The following NDUFS8 variants were observed in gnomAD, a reference collection of about 807,000 sequenced individuals.
NDUFS8 encodes the protein NADH:ubiquinone oxidoreductase core subunit S8, also known as NADH dehydrogenase [ubiquinone] iron-sulfur protein 8, mitochondrial.
A neutral mutation model predicts 25.6 loss-of-function variants in NDUFS8; 13 were observed. The ratio of observed to expected loss-of-function variants is 0.51; its 90% CI spans 0.33 to 0.81. The LOEUF (loss-of-function observed/expected upper bound fraction) is 0.81. NDUFS8 is among the 30% of genes least tolerant of loss of function. The pLI is 0.02. For missense variants in NDUFS8, 257 were observed against 300.9 expected (o/e 0.85, Z 1.08); for synonymous variants, 119 against 119.4 (o/e 1.00, Z 0.02).
intron 1 of NDUFS8, 73 bp from the exon 2 acceptor site, chr11:68,032,079 C>T: frequency 6.2e-7 from 1 of 1,602,720 alleles, no homozygotes; most frequent in South Asian, 1.1e-5. Context: ...GACTTGGGAT[C>T]CTTGCGGTGC....
At chr11:68,033,533 G>T (rs1590789930) in intron 5 of NDUFS8, 3 of 594,742 alleles carry the variant, frequency 5.0e-6, no homozygotes, top group African/African-American at 1.8e-5. Context: ...CCCCCTTGGG[G>T]TCTGGCCAAG....
chr11:68,031,573 C>G (rs1474256532), intron 1 of NDUFS8: 1 of 184,978 alleles, frequency 5.4e-6, no homozygotes, highest in East Asian at 1.4e-4. Flanking sequence ...GTCTCAAACT[C>G]CTGACCTCAG....
chr11:68,031,748 C>T (rs770555663), intron 1 of NDUFS8: 15 of 349,938 alleles, frequency 4.3e-5, no homozygotes, highest in East Asian at 7.3e-5. Flanking sequence ...CCCCTGGGCA[C>T]GGTTCCTGGG....
rs769533077 is a variant in NDUFS8 at position 68,036,622 on chromosome 11, C to T, written c.*29C>T. 6.2e-7 allele frequency: 1 copy of T among 1,612,312 alleles called. No homozygotes were observed. Among genetic ancestry groups the T allele is most frequent in the Admixed American group, 1.7e-5 (1 of 60,000 alleles). ...CCCACCGGCCCGCAGCCCCTGCTGC[C>T]CAATAAAACCACTCCGACCCCACGG... is the stretch of plus-strand genomic sequence containing the variant. On this transcript the variant is annotated 3_prime_UTR_variant, in exon 7 of 7. Transcript: ENST00000313468.
chr11:68,031,831 G>C, intron 1 of NDUFS8: 1 of 467,194 alleles, frequency 2.1e-6, no homozygotes, highest in South Asian at 2.1e-5. Context: ...GGTTAGATTT[G>C]GGGAGGATGA....
At chr11:68,032,716 C>T in intron 3 of NDUFS8, 1 of 786,490 alleles carries the variant, frequency 1.3e-6, no homozygotes. Context: ...GCCACCCAAG[C>T]ACAGGGAGAG....
intron 5 of NDUFS8, chr11:68,035,356 G>A (rs907060920): frequency 6.4e-6 from 1 of 155,650 alleles, no homozygotes; most frequent in African/African-American, 2.4e-5. Flanking sequence ...CTTGAGCCTG[G>A]GAGGTTGAGG....
chr11:68,031,083 TG>T, intron 1 of NDUFS8: 2 of 289,764 alleles, frequency 6.9e-6, no homozygotes, highest in Non-Finnish European at 1.4e-5. Context: ...TGCCGGGCTC[TG>T]GGGTGCCCTT....
intron 3 of NDUFS8, 74 bp downstream of exon 3, chr11:68,032,410 TC>T: frequency 6.2e-7 from 1 of 1,610,862 alleles, no homozygotes; most frequent in East Asian, 2.2e-5. Flanking sequence ...AGACCTGAGT[TC>T]CAGTCCTGGC....
rs750079497 is a variant in NDUFS8 at position 68,036,268 on chromosome 11, G to A, written c.388G>A (p.Ala130Thr). Residue 130 changes from alanine to threonine, a missense_variant, in exon 6 of 7, where the codon GCT (alanine) becomes ACT (threonine). By Grantham distance (58) the Ala-to-Thr change is moderately conservative. Coordinates refer to ENST00000313468, the MANE Select transcript of NDUFS8 (RefSeq NM_002496.4). Reference sequence around the variant, plus strand: ...CCTCCCGCAGGCCATCACCATCGAGGCTGAGCCAAGAGCTGATGGCAGCCG... The same window carrying A: ...CCTCCCGCAGGCCATCACCATCGAGACTGAGCCAAGAGCTGATGGCAGCCG... ...ICPAQAITIE[A>T]EPRADGSRRT... The A allele has an allele frequency of 1.2e-6, 2 of 1,612,866 alleles. No homozygotes were observed. Among genetic ancestry groups the A allele is most frequent in the East Asian group, 2.2e-5 (1 of 44,870 alleles).
Position 68,036,106 on chromosome 11 carries a change from A to AGGGC in NDUFS8, c.373-144_373-141dup, listed in dbSNP as rs1299035034. On this transcript the variant is annotated intron_variant, in intron 5 of 6. Transcript: ENST00000313468. ...AGACAGGCGCGAGCACCAGAGGTGC[A>AGGGC]GGGCGGCCTCTTAGCCGGAGTCCAG... 3 of 1,271,476 alleles carry AGGGC rather than the reference A, an allele frequency of 2.4e-6. No individual in the cohort carries two copies. In the East Asian group the frequency reaches 7.9e-5, roughly 33 times the overall value. The allele number at this position is 1,271,476 out of a possible 1,614,324, so 78.8% of individuals were successfully genotyped here.
At chr11:68,030,896 T>TCAAGGCGCCGGCC (rs58491259) in intron 1 of NDUFS8, 163 bp downstream of exon 1, 2 of 440,602 alleles carry the variant, frequency 4.5e-6, no homozygotes, top group African/African-American at 4.1e-5. Context: ...GGGAGCCGGC[T>TCAAGGCGCCGGCC]CTCAGGGCGC....
At position 68,032,721 on chromosome 11, in the gene NDUFS8, G is replaced by A. The variant is rs1400533158; in HGVS notation, c.110-202G>A. Reference sequence around the variant, plus strand: ...GGCTCCAATGGCCACCCAAGCACAGGGAGAGGTAGGCACGGACGGGCTCAG... The same window carrying A: ...GGCTCCAATGGCCACCCAAGCACAGAGAGAGGTAGGCACGGACGGGCTCAG... On this transcript the variant is annotated intron_variant, in intron 3 of 6. Coordinates refer to ENST00000313468, the MANE Select transcript of NDUFS8 (RefSeq NM_002496.4). 9 of 780,538 alleles carry A rather than the reference G, an allele frequency of 1.2e-5. No homozygotes were observed. The African/African-American group carries it at 1.4e-4, about 12-fold the overall frequency. 48.4% of individuals were successfully genotyped at this position (780,538 alleles called of 1,614,324 possible). A position where few individuals can be genotyped will look rare whatever the true frequency, so the allele number is the denominator to read the frequency against.
rs755501062 is a variant in NDUFS8, at chr11:68,033,289, C to G, written c.372+6C>G. 3.7e-6 allele frequency: 6 copies of G among 1,600,648 alleles called. No homozygotes were observed. The highest frequency in any genetic ancestry group is 5.1e-6 in the Non-Finnish European group (6 of 1,177,276). On this transcript the variant is annotated splice_donor_region_variant and intron_variant, in intron 5 of 6. Coordinates refer to ENST00000313468, the MANE Select transcript of NDUFS8 (RefSeq NM_002496.4). ...AGGCCATCTGCCCCGCCCAGGTGAG[C>G]CCCTGCCCCAACCGGCCACCACGCC...
rs776419268 is a variant in NDUFS8, at chr11:68,036,551, C to G, written c.591C>G (p.Ala197=). Reference sequence around the variant, plus strand: ...TCAACAACGGGGACAAGTGGGAGGCCGAGATCGCCGCCAACATCCAGGCTG... The same window carrying G: ...TCAACAACGGGGACAAGTGGGAGGCGGAGATCGCCGCCAACATCCAGGCTG... The part of the protein sequence containing the change: ...KLLNNGDKWE[A]EIAANIQADY... Residue 197 remains alanine (A), a synonymous_variant, in exon 7 of 7, where the codon GCC becomes GCG. Coordinates refer to ENST00000313468, the MANE Select transcript of NDUFS8 (RefSeq NM_002496.4). The G allele has an allele frequency of 1.2e-6, 2 of 1,613,936 alleles. No individual in the cohort carries two copies. The highest frequency in any genetic ancestry group is 2.7e-5 in the African/African-American group (2 of 74,912).
At chr11:68,034,332 GTAGC>G (rs1207552668) in intron 5 of NDUFS8, 2 of 152,260 alleles carry the variant, frequency 1.3e-5, no homozygotes, top group Non-Finnish European at 2.9e-5. Flanking sequence ...CACTTGCTGT[GTAGC>G]TTTGGGGAGC....
chr11:68,031,162 G>A (rs533596012), intron 1 of NDUFS8: 2 of 258,098 alleles, frequency 7.7e-6, no homozygotes, highest in African/African-American at 4.7e-5. Context: ...TGAGAAGACG[G>A]AGGTCAGGTC....
chr11:68,033,719 G>A (rs768611104), intron 5 of NDUFS8: 13 of 262,786 alleles, frequency 4.9e-5, no homozygotes, highest in Non-Finnish European at 9.9e-5. Flanking sequence ...GTGCTTACCC[G>A]TGGGGGCCAG....
rs766320593 is a variant in NDUFS8 at position 68,033,143 on chromosome 11, G to A, written c.232G>A (p.Glu78Lys). The A allele has an allele frequency of 3.7e-6, 6 of 1,612,716 alleles. No individual in the cohort carries two copies. The highest frequency in any genetic ancestry group is 1.1e-5 in the South Asian group (1 of 91,070). Residue 78 changes from glutamate (E) to lysine (K), a missense_variant, in exon 5 of 7, where the codon GAA becomes AAA. By Grantham distance (56) the Glu-to-Lys change is moderately conservative. Transcript: ENST00000313468. Reference sequence around the variant, plus strand: ...CATGACCCTGAGCTACCTGTTCCGGGAACCGGCCACCATCAACTACCCGTT... The same window carrying A: ...CATGACCCTGAGCTACCTGTTCCGGAAACCGGCCACCATCAACTACCCGTT... ...LGMTLSYLFR[E>K]PATINYPFEK...
Sources: gnomAD v4.1 joint callset for allele counts on GRCh38, gnomAD v4.1.1 for gene constraint, MANE v1.5 for transcripts, NCBI Gene and HGNC (gene_info 2026-07-23, HGNC 2026-07-21) for gene names.